Variants in FRMD4A observed in about 807,000 individuals in gnomAD.
FRMD4A encodes the protein FERM domain-containing protein 4A.
A neutral mutation model predicts 129.1 loss-of-function variants in FRMD4A; 29 were observed. The ratio of observed to expected loss-of-function variants is 0.22; its 90% CI spans 0.17 to 0.31. The LOEUF is 0.31. Among genes scored for constraint, FRMD4A ranks in the 10% least tolerant of loss-of-function variants. The pLI, the probability that FRMD4A is intolerant of heterozygous loss-of-function variation, is 1.00. For synonymous variants in FRMD4A, 634 were observed against 571.6 expected (o/e 1.11, Z -1.56); for missense variants, 1,272 against 1,375.8 (o/e 0.92, Z 1.19).
At chr10:14,024,678 G>A (rs77468126) in intron 2 of FRMD4A, among the ~76,000 whole-genome samples, 57 of 152,314 alleles carry the variant, frequency 3.7e-4, no homozygotes, top group African/African-American at 1.3e-3. Flanking sequence ...GGCATAAAGC[G>A]AGGCCACCAG....
intron 2 of FRMD4A, among the ~76,000 whole-genome samples, chr10:13,958,216 C>G (rs542627220): frequency 6.6e-6 from 1 of 151,120 alleles, no homozygotes; most frequent in African/African-American, 2.4e-5. Flanking sequence ...CAACTGGCTT[C>G]TAACTCATTA....
chr10:14,197,581 G>T (rs1460748154), intron 2 of FRMD4A, among the ~76,000 whole-genome samples: 2 of 152,090 alleles, frequency 1.3e-5, no homozygotes, highest in Non-Finnish European at 2.9e-5. Flanking sequence ...GGCTGGACTT[G>T]AACTCCTGAC....
rs146976918 is a variant in FRMD4A, at chr10:14,149,769, T to A, written c.45+180289A>T. ...GGAGATGGGCTGTGACTATCAGAGA[T>A]GTATATGGGCAGTTGAGTGAGTGTG... On this transcript the variant is annotated intron_variant, in intron 2 of 24. Transcript: ENST00000357447. Among the ~76,000 whole-genome samples the A allele has an allele frequency of 3.3e-5, 5 of 152,292 alleles. No homozygotes were observed. The East Asian group carries it at 9.7e-4, about 29-fold the overall frequency.
At position 13,909,569 on chromosome 10, in the gene FRMD4A, A is replaced by T. The variant is rs570392024; in HGVS notation, c.46-50657T>A. Among the ~76,000 whole-genome samples the T allele has an allele frequency of 4.4e-4, 67 of 152,352 alleles. 1 individual carries two copies. In the South Asian group the frequency reaches 0.014, roughly 32 times the overall value. On this transcript the variant is annotated intron_variant, in intron 2 of 24. Coordinates refer to ENST00000357447, the MANE Select transcript of FRMD4A (RefSeq NM_018027.5). ...TAATTATGAATGCAAAAGGTGTCAG[A>T]TGTTCTTAGGTGCTTATTTAAAAGA...
At chr10:14,301,734 G>A (rs1372958238) in intron 2 of FRMD4A, among the ~76,000 whole-genome samples, 1 of 152,042 alleles carries the variant, frequency 6.6e-6, no homozygotes. Context: ...CCAATGTCAT[G>A]GCAGGCTTCA....
intron 17 of FRMD4A, among the ~76,000 whole-genome samples, chr10:13,669,772 TTTTG>T (rs149570918): frequency 1.2e-3 from 189 of 152,270 alleles, no homozygotes; most frequent in South Asian, 5.2e-3. Context: ...CAAGTCTTGG[TTTTG>T]TTTGTTTGTT....
intron 12 of FRMD4A, among the ~76,000 whole-genome samples, chr10:13,719,201 C>A (rs963628744): frequency 6.6e-6 from 1 of 151,982 alleles, no homozygotes; most frequent in Non-Finnish European, 1.5e-5. Flanking sequence ...GCAAGGGATG[C>A]GATAATAGGG....
intron 2 of FRMD4A, among the ~76,000 whole-genome samples, chr10:13,928,047 G>T (rs1028440404): frequency 5.1e-5 from 7 of 136,840 alleles, no homozygotes; most frequent in Admixed American, 4.0e-4. Flanking sequence ...CTGAGACAGG[G>T]TCTCACTCTA....
At chr10:14,318,225 A>G (rs1444242844) in intron 2 of FRMD4A, among the ~76,000 whole-genome samples, 1 of 152,142 alleles carries the variant, frequency 6.6e-6, no homozygotes, top group Non-Finnish European at 1.5e-5. Flanking sequence ...ATTAATCCCT[A>G]GGAAATGACC....
intron 2 of FRMD4A, among the ~76,000 whole-genome samples, chr10:14,325,111 A>G (rs1564466293): frequency 6.6e-6 from 1 of 152,218 alleles, no homozygotes; most frequent in Non-Finnish European, 1.5e-5. Flanking sequence ...CTGCAAACGC[A>G]CTTTGAAAAA....
Position 13,695,149 on chromosome 10 carries a change from T to A in FRMD4A, c.976-1110A>T, listed in dbSNP as rs889267800. On this transcript the variant is annotated intron_variant, in intron 14 of 24. Transcript: ENST00000357447. The stretch of plus-strand genomic sequence containing the variant: ...AAAGCAGCGGTTTTTCAAAAAAAAA[T>A]TTTTTTTTTTTTTGAGACAGAGTCT... Among the ~76,000 whole-genome samples the A allele has an allele frequency of 4.5e-4, 43 of 95,990 alleles. No homozygotes were observed. The East Asian group carries it at 9.1e-3, about 20-fold the overall frequency. 63.0% of individuals were successfully genotyped at this position (95,990 alleles called of 152,430 possible). A position where few individuals can be genotyped will look rare whatever the true frequency, so the allele number is the denominator to read the frequency against.
At chr10:14,009,214 C>T (rs2095672694) in intron 2 of FRMD4A, among the ~76,000 whole-genome samples, 1 of 152,198 alleles carries the variant, frequency 6.6e-6, no homozygotes, top group South Asian at 2.1e-4. Flanking sequence ...CTACCTTCCC[C>T]ATCTCTACTC....
At chr10:14,240,390 C>A (rs1005918698) in intron 2 of FRMD4A, among the ~76,000 whole-genome samples, 2 of 152,156 alleles carry the variant, frequency 1.3e-5, no homozygotes, top group Non-Finnish European at 2.9e-5. Flanking sequence ...TCAGGCTTCA[C>A]CCTAAACAAG....
chr10:13,797,410 T>A (rs1203903047), intron 4 of FRMD4A, among the ~76,000 whole-genome samples: 1 of 152,022 alleles, frequency 6.6e-6, no homozygotes, highest in Non-Finnish European at 1.5e-5. Context: ...AGGCAAGAGA[T>A]CCTCAGAGGG....
chr10:14,222,810 G>A (rs959488799), intron 2 of FRMD4A, among the ~76,000 whole-genome samples: 55 of 152,224 alleles, frequency 3.6e-4, no homozygotes, highest in African/African-American at 7.5e-4. Context: ...GGCCAGGTGC[G>A]GTGCCTCATG....
intron 2 of FRMD4A, among the ~76,000 whole-genome samples, chr10:13,904,427 C>T (rs1048236631): frequency 2.0e-5 from 3 of 152,228 alleles, no homozygotes; most frequent in Admixed American, 2.0e-4. Context: ...CTCTCCCATG[C>T]CCTAAATAAC....
chr10:14,197,043 A>T (rs1230663672), intron 2 of FRMD4A, among the ~76,000 whole-genome samples: 1 of 152,186 alleles, frequency 6.6e-6, no homozygotes, highest in Non-Finnish European at 1.5e-5. Context: ...AACCCCTGCC[A>T]GCCTGAAGAC....
At chr10:13,790,693 T>C (rs2895586) in intron 5 of FRMD4A, among the ~76,000 whole-genome samples, 66,163 of 151,182 alleles carry the variant, frequency 0.44, 14,835 homozygotes, top group Middle Eastern at 0.51. Flanking sequence ...AGACCTCCAG[T>C]GACCAGGGGG....
chr10:13,743,821 C>G (rs2091146736), intron 9 of FRMD4A, among the ~76,000 whole-genome samples: 1 of 152,150 alleles, frequency 6.6e-6, no homozygotes, highest in African/African-American at 2.4e-5. Flanking sequence ...TATTCTGCTC[C>G]CAGCCTGTCC....
Sources: gnomAD v4.1 joint callset for allele counts (sites outside exome capture counted in the v4.1 genomes callset) on GRCh38, gnomAD v4.1.1 for gene constraint, MANE v1.5 for transcripts, NCBI Gene and HGNC (gene_info 2026-07-23, HGNC 2026-07-21) for gene names.